The following DCUN1D1 variants were observed in gnomAD, a reference collection of about 807,000 sequenced individuals.
The protein encoded by DCUN1D1 is defective in cullin neddylation 1 domain containing 1.
DCUN1D1 carries 3 observed loss-of-function variants against 39.0 expected under a neutral mutation model. That is an observed-to-expected ratio of 0.08 (90% CI 0.04 to 0.20). The LOEUF (loss-of-function observed/expected upper bound fraction) is 0.20. DCUN1D1 is among the 10% of genes least tolerant of loss of function. DCUN1D1 has a pLI of 1.00. For synonymous variants in DCUN1D1, 82 were observed against 96.3 expected (o/e 0.85, Z 0.87); for missense variants, 158 against 302.4 (o/e 0.52, Z 3.54).
At chr3:182,948,058 C>CG (rs1726508921) in intron 4 of DCUN1D1, among the ~76,000 whole-genome samples, 3 of 152,162 alleles carry the variant, frequency 2.0e-5, no homozygotes, top group Admixed American at 6.5e-5. Flanking sequence ...CCTCCATCCA[C>CG]TAGATGCCAG....
At chr3:182,949,536 A>G (rs1560162527) in intron 4 of DCUN1D1, among the ~76,000 whole-genome samples, 1 of 152,216 alleles carries the variant, frequency 6.6e-6, no homozygotes, top group East Asian at 1.9e-4. Flanking sequence ...CCTGGGCAAC[A>G]TAGCAAGACC....
At chr3:182,958,269 CTTTT>C (rs899373733) in intron 4 of DCUN1D1, among the ~76,000 whole-genome samples, 13 of 151,036 alleles carry the variant, frequency 8.6e-5, no homozygotes, top group Non-Finnish European at 1.9e-4. Flanking sequence ...CTACATTTTT[CTTTT>C]TTTTAATTAA....
intron 1 of DCUN1D1, among the ~76,000 whole-genome samples, chr3:182,969,617 A>AT (rs757418975): frequency 2.9e-4 from 44 of 152,246 alleles, no homozygotes; most frequent in Non-Finnish European, 5.9e-4. Context: ...AGATCAGGCA[A>AT]TATAATCTTC....
At chr3:182,968,960 T>C (rs1727804034) in intron 1 of DCUN1D1, among the ~76,000 whole-genome samples, 2 of 152,180 alleles carry the variant, frequency 1.3e-5, no homozygotes, top group South Asian at 2.1e-4. Context: ...AATATCAACA[T>C]ATTTGAAGAA....
chr3:182,953,762 T>G (rs191113514), intron 4 of DCUN1D1, among the ~76,000 whole-genome samples: 2 of 152,108 alleles, frequency 1.3e-5, no homozygotes, highest in African/African-American at 4.8e-5. Context: ...AAGGCAAATA[T>G]AGAGAAAAAG....
chr3:182,962,088 T>C (rs1448466842), intron 3 of DCUN1D1, among the ~76,000 whole-genome samples: 1 of 152,206 alleles, frequency 6.6e-6, no homozygotes, highest in Non-Finnish European at 1.5e-5. Flanking sequence ...TTCCAGATCA[T>C]TAGTTTGTAA....
chr3:182,979,600 TC>T (rs1553846258), intron 1 of DCUN1D1, among the ~76,000 whole-genome samples: 1 of 137,004 alleles, frequency 7.3e-6, no homozygotes, highest in African/African-American at 2.8e-5. Context: ...GAGGACTTTT[TC>T]CCCCCCCCAA....
At chr3:182,948,263 T>C (rs1726518130) in intron 4 of DCUN1D1, among the ~76,000 whole-genome samples, 1 of 152,184 alleles carries the variant, frequency 6.6e-6, no homozygotes, top group Non-Finnish European at 1.5e-5. Context: ...AAAGAGATCA[T>C]TAAAAATACT....
chr3:182,952,408 C>A (rs1726799462), intron 4 of DCUN1D1, among the ~76,000 whole-genome samples: 2 of 151,814 alleles, frequency 1.3e-5, no homozygotes, highest in African/African-American at 4.9e-5. Context: ...ATACATTCAA[C>A]CGCCCCTAAC....
intron 4 of DCUN1D1, among the ~76,000 whole-genome samples, chr3:182,959,346 T>A (rs375528318): frequency 4.2e-4 from 64 of 152,182 alleles, no homozygotes; most frequent in African/African-American, 1.5e-3. Flanking sequence ...AGGTTATACA[T>A]TTATCCCTTC....
chr3:182,950,567 A>G (rs1726664274), intron 4 of DCUN1D1, among the ~76,000 whole-genome samples: 2 of 151,682 alleles, frequency 1.3e-5, no homozygotes, highest in African/African-American at 2.4e-5. Flanking sequence ...GCTCTCTTGG[A>G]TCTCTTGATC....
At chr3:182,972,593 C>T (rs1374065489) in intron 1 of DCUN1D1, among the ~76,000 whole-genome samples, 1 of 151,882 alleles carries the variant, frequency 6.6e-6, no homozygotes, top group Non-Finnish European at 1.5e-5. Flanking sequence ...CTGGGCAACA[C>T]AGCAAGATCT....
intron 1 of DCUN1D1, 129 bp downstream of exon 1, chr3:182,980,356 AGC>A: frequency 1.6e-6 from 1 of 637,446 alleles, no homozygotes; most frequent in Non-Finnish European, 2.0e-6. Flanking sequence ...CCCGCCTGGG[AGC>A]GGGACGGAGG....
intron 1 of DCUN1D1, among the ~76,000 whole-genome samples, chr3:182,969,817 T>C (rs1727843239): frequency 6.6e-6 from 1 of 152,208 alleles, no homozygotes; most frequent in Admixed American, 6.5e-5. Flanking sequence ...TTACCAAAAT[T>C]AGAAATACTG....
intron 4 of DCUN1D1, among the ~76,000 whole-genome samples, chr3:182,960,159 A>G (rs187956640): frequency 6.6e-6 from 1 of 152,352 alleles, no homozygotes; most frequent in Admixed American, 6.5e-5. Flanking sequence ...TATGTAAAGT[A>G]CAGTACTTAG....
At chr3:182,950,350 G>A (rs575707542) in intron 4 of DCUN1D1, among the ~76,000 whole-genome samples, 2 of 151,902 alleles carry the variant, frequency 1.3e-5, no homozygotes, top group African/African-American at 2.4e-5. Context: ...GTTTCACTAC[G>A]TTGGCCAGGA....
intron 2 of DCUN1D1, 48 bp from the exon 3 acceptor site, chr3:182,964,097 A>G: frequency 2.0e-6 from 3 of 1,506,194 alleles, no homozygotes; most frequent in Non-Finnish European, 2.7e-6. Flanking sequence ...ATTATGCTAC[A>G]TTATGAAAAC....
chr3:182,972,124 G>A (rs1727975212), intron 1 of DCUN1D1, among the ~76,000 whole-genome samples: 1 of 127,920 alleles, frequency 7.8e-6, no homozygotes, highest in Non-Finnish European at 1.6e-5. Flanking sequence ...TTTAAGACAA[G>A]CAATACAACA....
rs1237199444 is a variant in DCUN1D1, at chr3:182,938,364, A to C, written c.*6730T>G. ...TTGAATCCTGACTTGAATTGGAAAA[A>C]AAAAAAAAAAGGCACAACTTGAACA... On this transcript the variant is annotated 3_prime_UTR_variant, in exon 7 of 7. Coordinates refer to ENST00000292782, the MANE Select transcript of DCUN1D1 (RefSeq NM_020640.4). 1 of 152,026 alleles carries C rather than the reference A, an allele frequency of 6.6e-6. No homozygotes were observed. The highest frequency in any genetic ancestry group is 2.4e-5 in the African/African-American group (1 of 41,424). The allele number at this position is 152,026 out of a possible 1,614,324, so 9.4% of individuals were successfully genotyped here. A position where few individuals can be genotyped will look rare whatever the true frequency, so the allele number is the denominator to read the frequency against.
Sources: gnomAD v4.1 joint callset for allele counts (sites outside exome capture counted in the v4.1 genomes callset) on GRCh38, gnomAD v4.1.1 for gene constraint, MANE v1.5 for transcripts, NCBI Gene and HGNC (gene_info 2026-07-23, HGNC 2026-07-21) for gene names.